Variants in POLQ observed in about 807,000 individuals in gnomAD.
The protein encoded by POLQ is epididymis secretory sperm binding protein.
In POLQ, 233 loss-of-function variants were observed where a neutral mutation model predicts 259.2. That is an observed-to-expected ratio of 0.90 (90% CI 0.81 to 1.00). POLQ has a LOEUF of 1.00. Ranked by LOEUF, POLQ falls within the 50% of genes least tolerant of loss-of-function variation. POLQ has a pLI of 0.00. For synonymous variants in POLQ, 1,025 were observed against 1,048.8 expected, an observed-to-expected ratio of 0.98 and a Z score of 0.44; for missense variants, 2,871 against 3,051.6, an observed-to-expected ratio of 0.94 and a Z score of 1.39.
chr3:121,475,634 G>T (rs190352057), intron 20 of POLQ, among the ~76,000 whole-genome samples: 4 of 151,952 alleles, frequency 2.6e-5, no homozygotes, highest in African/African-American at 7.3e-5. Context: ...CATTTTTTTG[G>T]GGGGGTGAAG....
intron 5 of POLQ, among the ~76,000 whole-genome samples, chr3:121,533,742 C>T (rs2048428765): frequency 6.6e-6 from 1 of 152,078 alleles, no homozygotes; most frequent in Admixed American, 6.6e-5. Context: ...TCTCGAACTC[C>T]CGACCTTGTG....
chr3:121,447,435 T>A (rs189635058), intron 26 of POLQ, among the ~76,000 whole-genome samples: 21 of 152,274 alleles, frequency 1.4e-4, no homozygotes, highest in Non-Finnish European at 2.2e-4. Flanking sequence ...ATTGCTGGGA[T>A]TACAGGTGTG....
Position 121,481,572 on chromosome 3 carries a change from CT to C in POLQ, c.6210del (p.Asp2071MetfsTer17). 2 of 1,585,690 alleles carry C rather than the reference CT, an allele frequency of 1.3e-6. No homozygotes were observed. The highest frequency in any genetic ancestry group is 1.7e-6 in the Non-Finnish European group (2 of 1,164,726). On this transcript the variant is annotated frameshift_variant and splice_region_variant, in exon 19 of 30. Transcript: ENST00000264233. LOFTEE classifies it high-confidence loss of function. Reference sequence around the variant, plus strand: ...AAAATGCCAGAAACTTGGTTTTTACCTTGAAGGTTTTCCTTCTGCAACAAAG... The same window carrying C: ...AAAATGCCAGAAACTTGGTTTTTACCTGAAGGTTTTCCTTCTGCAACAAAG... ...LNSLLQKENL[Q>X]DVFRKVEMPS...
chr3:121,451,654 G>C (rs568730844), intron 25 of POLQ, among the ~76,000 whole-genome samples: 2 of 152,316 alleles, frequency 1.3e-5, no homozygotes, highest in African/African-American at 4.8e-5. Flanking sequence ...TGGAAGCTTT[G>C]TCTCAGAGGG....
At chr3:121,495,226 G>A (rs1277718043) in intron 14 of POLQ, among the ~76,000 whole-genome samples, 2 of 151,930 alleles carry the variant, frequency 1.3e-5, no homozygotes, top group East Asian at 1.9e-4. Context: ...AGCCGAGATC[G>A]TGCCATTGCA....
intron 14 of POLQ, chr3:121,494,882 A>G: frequency 6.3e-7 from 1 of 1,579,992 alleles, no homozygotes; most frequent in South Asian, 1.1e-5. Context: ...GGCAAAGGCT[A>G]AAGAACTTGC....
At chr3:121,511,783 TA>T (rs1343110137) in intron 10 of POLQ, 103 bp downstream of exon 10, 1 of 966,974 alleles carries the variant, frequency 1.0e-6, no homozygotes, top group African/African-American at 1.7e-5. Context: ...GTCTCAAAAA[TA>T]AATTAAAAAA....
intron 24 of POLQ, among the ~76,000 whole-genome samples, chr3:121,464,528 G>A (rs2047820068): frequency 1.3e-5 from 2 of 151,982 alleles, no homozygotes; most frequent in South Asian, 4.2e-4. Context: ...ATTTAGAGTC[G>A]CTTTTTTATT....
At chr3:121,524,652 G>A (rs494140) in intron 7 of POLQ, among the ~76,000 whole-genome samples, 14,906 of 151,968 alleles carry the variant, frequency 0.098, 1,066 homozygotes, top group African/African-American at 0.2. Flanking sequence ...CTTTATTTAC[G>A]TGGAATTTTT....
Position 121,543,912 on chromosome 3 carries a change from G to C in POLQ, c.343+815C>G, listed in dbSNP as rs539033957. On this transcript the variant is annotated intron_variant, in intron 2 of 29. Transcript: ENST00000264233. ...GCAGGTGAATCACTTGAACCCGGGAGGCAGAGGGTGCCGTGAGCCGAGACA... is the reference window on the plus strand; with the variant it reads ...GCAGGTGAATCACTTGAACCCGGGACGCAGAGGGTGCCGTGAGCCGAGACA... 5.3e-5 allele frequency among the ~76,000 whole-genome samples: 8 copies of C among 152,008 alleles called. No individual in the cohort carries two copies. In the East Asian group the frequency reaches 1.2e-3, roughly 22 times the overall value.
At chr3:121,445,898 TTTG>T (rs1382399630) in intron 26 of POLQ, among the ~76,000 whole-genome samples, 6 of 152,026 alleles carry the variant, frequency 3.9e-5, no homozygotes, top group African/African-American at 1.4e-4. Flanking sequence ...AACTTTTTGT[TTTG>T]TTGTTCTTTT....
At chr3:121,449,841 G>T (rs900418171) in intron 25 of POLQ, among the ~76,000 whole-genome samples, 1 of 152,080 alleles carries the variant, frequency 6.6e-6, no homozygotes, top group Non-Finnish European at 1.5e-5. Flanking sequence ...TTGAAGTGTA[G>T]AAAGAGTAGG....
At chr3:121,440,226 T>G (rs1576397248) in intron 26 of POLQ, 110 bp from the exon 27 acceptor site, 3 of 727,018 alleles carry the variant, frequency 4.1e-6, no homozygotes, top group Non-Finnish European at 4.5e-6. Context: ...ATTCTTAACA[T>G]TAATATCATA....
chr3:121,512,838 A>C (rs536253117), intron 9 of POLQ, among the ~76,000 whole-genome samples: 1 of 152,250 alleles, frequency 6.6e-6, no homozygotes, highest in Non-Finnish European at 1.5e-5. Context: ...ATGCAAATGT[A>C]AATTGTTACC....
intron 25 of POLQ, among the ~76,000 whole-genome samples, chr3:121,452,019 T>C (rs1370896041): frequency 6.6e-6 from 1 of 151,720 alleles, no homozygotes; most frequent in Non-Finnish European, 1.5e-5. Context: ...GCTGCTGCCT[T>C]GCAGTTCGAT....
chr3:121,512,897 T>C lies in POLQ; in HGVS notation c.1469-868A>G, dbSNP rs1279368165. On this transcript the variant is annotated intron_variant, in intron 9 of 29. Coordinates refer to ENST00000264233, the MANE Select transcript of POLQ (RefSeq NM_199420.4). ...AAAATACTTGTAGATACCCAAAATT[T>C]ATATTACAACATTTACTAATCTAAA... Among the ~76,000 whole-genome samples the C allele has an allele frequency of 3.3e-5, 5 of 152,210 alleles. No homozygotes were observed. In the East Asian group the frequency reaches 9.6e-4, roughly 29 times the overall value.
intron 12 of POLQ, among the ~76,000 whole-genome samples, chr3:121,504,919 G>A (rs917802394): frequency 2.6e-5 from 4 of 152,276 alleles, no homozygotes; most frequent in Middle Eastern, 3.4e-3. Context: ...ATTTTGGAAT[G>A]TGAGAAGGTC....
In POLQ at chr3:121,484,692, G is replaced by A. The variant is rs181369526; in HGVS notation, c.5773+349C>T. ...AAGGCGGGTGGATCACCTGAGGTAA[G>A]GAGTTCAAGACCAGCCTGACCAACA... is the stretch of plus-strand genomic sequence containing the variant. On this transcript the variant is annotated intron_variant, in intron 17 of 29. Transcript: ENST00000264233. Among the ~76,000 whole-genome samples the A allele has an allele frequency of 3.1e-3, 476 of 152,270 alleles. 8 individuals carry two copies. Among genetic ancestry groups the A allele is most frequent in the African/African-American group, 0.011 (453 of 41,562 alleles).
intron 24 of POLQ, among the ~76,000 whole-genome samples, chr3:121,461,247 T>C (rs747429183): frequency 3.9e-5 from 6 of 152,184 alleles, no homozygotes; most frequent in Non-Finnish European, 8.8e-5. Flanking sequence ...TAAACAGGTT[T>C]TTACTCTATG....
Sources: allele counts gnomAD v4.1 joint callset (sites outside exome capture counted in the v4.1 genomes callset), GRCh38; gene constraint gnomAD v4.1.1; transcripts MANE v1.5; gene names NCBI Gene and HGNC (gene_info 2026-07-23, HGNC 2026-07-21).